HDAC9: variants seen among roughly 807,000 people sequenced by gnomAD.
The protein encoded by HDAC9 is MEF-2 interacting transcription repressor (MITR) protein.
Under a neutral mutation model 139.4 loss-of-function variants are expected in HDAC9, and 41 were observed. The observed-to-expected ratio is 0.29, with a 90% CI of 0.23 to 0.38. The LOEUF is 0.38. Ranked by LOEUF, HDAC9 falls within the 10% of genes least tolerant of loss-of-function variation. The pLI is 1.00. For synonymous variants in HDAC9, 517 were observed against 476.2 expected, an observed-to-expected ratio of 1.09 and a Z score of -1.12; for missense variants, 1,147 against 1,297.0, an observed-to-expected ratio of 0.88 and a Z score of 1.78.
At chr7:18,279,707 A>G (rs969723348) in intron 2 of HDAC9, among the ~76,000 whole-genome samples, 12 of 151,380 alleles carry the variant, frequency 7.9e-5, no homozygotes, top group Non-Finnish European at 1.6e-4. Flanking sequence ...CTCGTGATCC[A>G]CCCCCCTCGA....
At chr7:18,576,711 TAAAAG>T (rs1392818340) in intron 2 of HDAC9, among the ~76,000 whole-genome samples, 1 of 148,706 alleles carries the variant, frequency 6.7e-6, no homozygotes, top group Non-Finnish European at 1.5e-5. Flanking sequence ...AATTAGATAA[TAAAAG>T]AGAGAGGAGT....
chr7:18,403,965 C>T (rs1178276456), intron 1 of HDAC9, among the ~76,000 whole-genome samples: 1 of 152,116 alleles, frequency 6.6e-6, no homozygotes, highest in Non-Finnish European at 1.5e-5. Flanking sequence ...AGCATTAGTT[C>T]CATGAAGAGG....
At chr7:18,498,123 C>A (rs1797410452) in intron 2 of HDAC9, among the ~76,000 whole-genome samples, 1 of 152,128 alleles carries the variant, frequency 6.6e-6, no homozygotes, top group Non-Finnish European at 1.5e-5. Flanking sequence ...CATCAACTCC[C>A]AAAACCTGTC....
At chr7:18,840,100 T>C (rs1796491455) in intron 21 of HDAC9, among the ~76,000 whole-genome samples, 1 of 152,068 alleles carries the variant, frequency 6.6e-6, no homozygotes, top group African/African-American at 2.4e-5. Flanking sequence ...AATTCCTTTG[T>C]AGCCCCTTTT....
At chr7:18,229,209 G>A (rs970564106) in intron 2 of HDAC9, among the ~76,000 whole-genome samples, 2 of 152,160 alleles carry the variant, frequency 1.3e-5, no homozygotes, top group Non-Finnish European at 2.9e-5. Flanking sequence ...AAATGAGATT[G>A]AATGTCACAT....
chr7:18,766,257 A>G (rs12056043), intron 15 of HDAC9, among the ~76,000 whole-genome samples: 23,701 of 152,152 alleles, frequency 0.16, 3,357 homozygotes, highest in African/African-American at 0.36. Context: ...GCCCTTCCCC[A>G]TGATTACTCC....
chr7:18,199,038 C>T (rs980791491), intron 2 of HDAC9, among the ~76,000 whole-genome samples: 6 of 152,154 alleles, frequency 3.9e-5, no homozygotes, highest in Admixed American at 3.9e-4. Flanking sequence ...AAACAATCTT[C>T]TGCCTTGAAC....
chr7:18,935,993 G>A, intron 23 of HDAC9, 51 bp downstream of exon 23: 3 of 1,541,146 alleles, frequency 1.9e-6, no homozygotes, highest in Non-Finnish European at 2.6e-6. Flanking sequence ...AGGGATGTAT[G>A]CATGCATATT....
At position 18,968,819 on chromosome 7, in the gene HDAC9, C is replaced by T. The variant is rs1347659748; in HGVS notation, c.3023-6987C>T. ...CTAAACATACAAAAAATTAGCTGGGCGTGGTGGCGGGCGCCTGTAGTCCCA... is the reference window on the plus strand; with the variant it reads ...CTAAACATACAAAAAATTAGCTGGGTGTGGTGGCGGGCGCCTGTAGTCCCA... On this transcript the variant is annotated intron_variant, in intron 24 of 25. Transcript: ENST00000686413. Among the ~76,000 whole-genome samples the T allele has an allele frequency of 7.3e-5, 11 of 151,720 alleles. 1 individual carries two copies. The highest frequency in any genetic ancestry group is 1.6e-4 in the Non-Finnish European group (11 of 67,908).
At chr7:18,244,107 T>G (rs1794365276) in intron 2 of HDAC9, among the ~76,000 whole-genome samples, 1 of 152,118 alleles carries the variant, frequency 6.6e-6, no homozygotes, top group African/African-American at 2.4e-5. Context: ...AAGTAAGTTT[T>G]TAAAATAAAA....
At chr7:18,140,242 A>G (rs967520720) in intron 1 of HDAC9, among the ~76,000 whole-genome samples, 2 of 152,188 alleles carry the variant, frequency 1.3e-5, no homozygotes, top group East Asian at 3.9e-4. Flanking sequence ...CAGTGACAGC[A>G]TATTAATCTA....
intron 16 of HDAC9, among the ~76,000 whole-genome samples, chr7:18,786,830 TCCTTCATTCCTTC>T (rs1246089762): frequency 0.033 from 1,200 of 36,510 alleles, 105 homozygotes; most frequent in African/African-American, 0.056. Context: ...ATTCCTTCCT[TCCTTCATTCCTTC>T]CTTCCTTCCT....
chr7:18,728,181 T>C (rs965912958), intron 13 of HDAC9, among the ~76,000 whole-genome samples: 3 of 152,198 alleles, frequency 2.0e-5, no homozygotes, highest in African/African-American at 7.2e-5. Context: ...CACTGTTTTC[T>C]TCTGGTTCCC....
At chr7:18,469,857 G>T (rs1331081438) in intron 1 of HDAC9, among the ~76,000 whole-genome samples, 1 of 152,078 alleles carries the variant, frequency 6.6e-6, no homozygotes, top group Non-Finnish European at 1.5e-5. Flanking sequence ...GATCAACCAG[G>T]AGAGTAAAAT....
At chr7:18,643,024 A>T (rs1428155390) in intron 8 of HDAC9, among the ~76,000 whole-genome samples, 1 of 152,154 alleles carries the variant, frequency 6.6e-6, no homozygotes, top group East Asian at 1.9e-4. Context: ...ATGAATACAG[A>T]TAAGTGAATA....
At chr7:18,185,396 GCTATT>G (rs1789827304) in intron 2 of HDAC9, among the ~76,000 whole-genome samples, 1 of 152,168 alleles carries the variant, frequency 6.6e-6, no homozygotes, top group South Asian at 2.1e-4. Flanking sequence ...GTTGAGGACT[GCTATT>G]AAAGCAAGCA....
At chr7:18,494,477 C>G (rs564964716), upstream of HDAC9, among the ~76,000 whole-genome samples, 73 of 151,950 alleles carry the variant, frequency 4.8e-4, no homozygotes, top group African/African-American at 1.7e-3. Context: ...ACATTTTCCT[C>G]GCTGATTTAG....
At chr7:18,461,927 C>G (rs551237893) in intron 1 of HDAC9, among the ~76,000 whole-genome samples, 2 of 152,184 alleles carry the variant, frequency 1.3e-5, no homozygotes, top group East Asian at 3.9e-4. Context: ...CATAGATTAT[C>G]TCATTTCATC....
At chr7:18,382,832 T>C (rs1025715131) in intron 1 of HDAC9, among the ~76,000 whole-genome samples, 1 of 152,224 alleles carries the variant, frequency 6.6e-6, no homozygotes, top group Middle Eastern at 3.2e-3. Context: ...ACATAAAATA[T>C]ACTGAAACTT....
Sources: allele counts gnomAD v4.1 joint callset (sites outside exome capture counted in the v4.1 genomes callset), GRCh38; gene constraint gnomAD v4.1.1; transcripts MANE v1.5; gene names NCBI Gene and HGNC (gene_info 2026-07-23, HGNC 2026-07-21).